Variants in QSOX2 observed in about 807,000 individuals in gnomAD.
The protein encoded by QSOX2 is quiescin sulfhydryl oxidase 2, also known as sulfhydryl oxidase 2.
In QSOX2, 46 loss-of-function variants were observed where a neutral mutation model predicts 61.7. That is an observed-to-expected ratio of 0.75 (90% confidence interval 0.59 to 0.95). QSOX2 has a LOEUF of 0.95. QSOX2 is among the 40% of genes least tolerant of loss of function. QSOX2 has a pLI of 0.00. For synonymous variants in QSOX2, 383 were observed against 388.4 expected (o/e 0.99, Z 0.16); for missense variants, 879 against 918.9 (o/e 0.96, Z 0.56).
At chr9:136,228,938 T>A (rs566014621) in intron 1 of QSOX2, among the ~76,000 whole-genome samples, 1 of 152,260 alleles carries the variant, frequency 6.6e-6, no homozygotes, top group African/African-American at 2.4e-5. Context: ...CCAGAGGTTC[T>A]GTTAAAAGCA....
At chr9:136,216,747 G>C (rs1489600410) in intron 8 of QSOX2, 25 bp from the exon 9 acceptor site, 3 of 1,611,832 alleles carry the variant, frequency 1.9e-6, no homozygotes, top group South Asian at 1.1e-5. Flanking sequence ...AGCCACCTGA[G>C]AGCTACAGAC....
Position 136,245,723 on chromosome 9 carries a change from C to A in QSOX2, c.81G>T (p.Pro27=), listed in dbSNP as rs1192148592. 8 of 1,139,824 alleles carry A rather than the reference C, an allele frequency of 7.0e-6. No homozygotes were observed. The highest frequency in any genetic ancestry group is 6.6e-5 in the African/African-American group (4 of 60,606). The allele number at this position is 1,139,824 out of a possible 1,614,324, so 70.6% of individuals were successfully genotyped here. Residue 27 remains proline (P), a synonymous_variant, in exon 1 of 12, where the codon CCG becomes CCT. Coordinates refer to ENST00000358701, the MANE Select transcript of QSOX2 (RefSeq NM_181701.4). ...GPALRARRSP[P]PRAARLPRLL... ...GCCGCGGCAGCCGTGCGGCCCGCGG[C>A]GGGGGCGAGCGCCGGGCTCTCAGCG... is the stretch of plus-strand genomic sequence containing the variant.
rs71384066 is a variant in QSOX2 at position 136,208,291 on chromosome 9, T to TGGACGGTGCAGGGAGGGCCAAGGGGGCGG, written c.*436_*437insCCGCCCCCTTGGCCCTCCCTGCACCGTCC. The TGGACGGTGCAGGGAGGGCCAAGGGGGCGG allele has an allele frequency of 1.5e-5, 1 of 67,840 alleles. No individual in the cohort carries two copies. The highest frequency in any genetic ancestry group is 6.1e-5 in the African/African-American group (1 of 16,398). 4.2% of individuals were successfully genotyped at this position (67,840 alleles called of 1,614,324 possible). On this transcript the variant is annotated 3_prime_UTR_variant, in exon 12 of 12. Coordinates refer to ENST00000358701, the MANE Select transcript of QSOX2 (RefSeq NM_181701.4). ...GCGGGGGGAGGGGGAGCGAGGGGAGTGGGGGGGAGCCAGGAGCCGCGGGGG... is the reference window on the plus strand; with the variant it reads ...GCGGGGGGAGGGGGAGCGAGGGGAGTGGACGGTGCAGGGAGGGCCAAGGGGGCGGGGGGGGGAGCCAGGAGCCGCGGGGG...
At chr9:136,212,590 G>A (rs907324727) in intron 10 of QSOX2, among the ~76,000 whole-genome samples, 3 of 152,228 alleles carry the variant, frequency 2.0e-5, no homozygotes, top group Non-Finnish European at 2.9e-5. Context: ...GCAGCTGGGC[G>A]GTGTCTCAGA....
At position 136,235,201 on chromosome 9, in the gene QSOX2, C is replaced by T. The variant is rs150608193; in HGVS notation, c.329-8327G>A. The stretch of plus-strand genomic sequence containing the variant: ...CCAAGGAAGATCCATCTCCCAAGGG[C>T]AGTGTGAGGATCGGCGGGGTCAAAG... On this transcript the variant is annotated intron_variant, in intron 1 of 11. Coordinates refer to ENST00000358701, the MANE Select transcript of QSOX2 (RefSeq NM_181701.4). Among the ~76,000 whole-genome samples the T allele has an allele frequency of 2.0e-4, 30 of 152,356 alleles. No homozygotes were observed. The East Asian group carries it at 4.6e-3, about 24-fold the overall frequency.
chr9:136,211,686 G>A (rs1265902933), intron 10 of QSOX2, among the ~76,000 whole-genome samples: 1 of 152,214 alleles, frequency 6.6e-6, no homozygotes, highest in Non-Finnish European at 1.5e-5. Flanking sequence ...CAGCCCAGAG[G>A]GCGGACATGC....
rs746178571 is a variant in QSOX2, at chr9:136,224,042, GC to G, written c.548del (p.Ser183ThrfsTer9). 6.2e-7 allele frequency: 1 copy of G among 1,614,046 alleles called. No individual in the cohort carries two copies. Among genetic ancestry groups the G allele is most frequent in the Non-Finnish European group, 8.5e-7 (1 of 1,180,010 alleles). On this transcript the variant is annotated frameshift_variant, in exon 4 of 12. Coordinates refer to ENST00000358701, the MANE Select transcript of QSOX2 (RefSeq NM_181701.4). LOFTEE classifies it high-confidence loss of function. ...CTAGGCGCGGGCAGGCAGGGGGCCG[GC>G]TTCCTTCCGTGTGGTTCTGCAGGAA... ...IDFLQNHTEG[S>X]RPPACPRLDP...
Position 136,209,364 on chromosome 9 carries a change from C to T in QSOX2, c.1550-89G>A. 1 of 1,542,242 alleles carries T rather than the reference C, an allele frequency of 6.5e-7. No individual in the cohort carries two copies. The highest frequency in any genetic ancestry group is 8.7e-7 in the Non-Finnish European group (1 of 1,144,132). On this transcript the variant is annotated intron_variant, in intron 11 of 11. Transcript: ENST00000358701. The surrounding 1 kb of genome is among the most constrained non-coding windows in gnomAD (Gnocchi z 5.6). ...GCGGCAACCGGACTCCCACTCCCAC[C>T]CACCACGGGCCTCCACTGCCCTGGC... is the stretch of plus-strand genomic sequence containing the variant.
rs540735675 is a variant in QSOX2 at position 136,208,622 on chromosome 9, C to T, written c.*106G>A. ...AGGTGCCATCCGATGTGAAACCAGG[C>T]CCGCATGTTTATAAAATCCCTGATC... On this transcript the variant is annotated 3_prime_UTR_variant, in exon 12 of 12. Coordinates refer to ENST00000358701, the MANE Select transcript of QSOX2 (RefSeq NM_181701.4). 363 of 1,340,396 alleles carry T rather than the reference C, an allele frequency of 2.7e-4. 1 individual carries two copies. Among genetic ancestry groups the T allele is most frequent in the Non-Finnish European group, 2.8e-4 (279 of 1,002,552 alleles). 83.0% of individuals were successfully genotyped at this position (1,340,396 alleles called of 1,614,324 possible).
chr9:136,245,747 C>A lies in QSOX2; in HGVS notation c.57G>T (p.Ala19=). ...GCGGGGGCGAGCGCCGGGCTCTCAG[C>A]GCAGGTCCCGCTCCGATTCCCGGGC... ...ARSPGIGAGP[A]LRARRSPPPR... is the part of the protein sequence containing the mutation. The change falls in exon 1 of 12, where the codon GCG becomes GCT. Residue 19 remains alanine (A), a synonymous_variant. Transcript: ENST00000358701. The A allele has an allele frequency of 1.7e-6, 2 of 1,150,044 alleles. No homozygotes were observed. Among genetic ancestry groups the A allele is most frequent in the Non-Finnish European group, 1.1e-6 (1 of 933,422 alleles). 71.2% of individuals were successfully genotyped at this position (1,150,044 alleles called of 1,614,324 possible).
At chr9:136,218,962 C>T in intron 7 of QSOX2, 68 bp downstream of exon 7, 1 of 1,589,070 alleles carries the variant, frequency 6.3e-7, no homozygotes. Flanking sequence ...TAAACCCGCC[C>T]TGCAAGCACG....
At chr9:136,217,687 G>C (rs1469294960) in intron 8 of QSOX2, among the ~76,000 whole-genome samples, 1 of 152,246 alleles carries the variant, frequency 6.6e-6, no homozygotes, top group Non-Finnish European at 1.5e-5. Flanking sequence ...AGCCGGGAGA[G>C]GAGAGCAGGT....
At chr9:136,229,137 T>C (rs993267875) in intron 1 of QSOX2, among the ~76,000 whole-genome samples, 1 of 152,218 alleles carries the variant, frequency 6.6e-6, no homozygotes, top group African/African-American at 2.4e-5. Context: ...CAAATACCGT[T>C]CCCGCTTACG....
At chr9:136,210,342 T>C (rs2131048045) in intron 11 of QSOX2, 1 of 985,412 alleles carries the variant, frequency 1.0e-6, no homozygotes, top group East Asian at 1.1e-4. Flanking sequence ...GTAAGGCCCC[T>C]TTCTGTTGCA....
At position 136,208,827 on chromosome 9, in the gene QSOX2, C is replaced by T; in HGVS notation, c.1998G>A (p.Val666=). The T allele has an allele frequency of 6.2e-7, 1 of 1,614,052 alleles. No homozygotes were observed. Among genetic ancestry groups the T allele is most frequent in the Non-Finnish European group, 8.5e-7 (1 of 1,180,022 alleles). Residue 666 remains valine (V), a synonymous_variant, in exon 12 of 12, where the codon GTG becomes GTA. Transcript: ENST00000358701. ...FSSLDMSLCV[V]LYVASSLFLM... ...GGAACAGGGATGAAGCCACGTACAGCACGACACAGAGACTCATGTCCAGGC... is the reference window on the plus strand; with the variant it reads ...GGAACAGGGATGAAGCCACGTACAGTACGACACAGAGACTCATGTCCAGGC...
chr9:136,219,390 A>G (rs530837993), intron 6 of QSOX2, among the ~76,000 whole-genome samples: 3 of 152,336 alleles, frequency 2.0e-5, no homozygotes, highest in African/African-American at 4.8e-5. Context: ...AACCAGTTCC[A>G]GTTGTAATAA....
intron 1 of QSOX2, among the ~76,000 whole-genome samples, chr9:136,234,865 G>A (rs984194324): frequency 1.3e-5 from 2 of 152,148 alleles, no homozygotes; most frequent in Non-Finnish European, 2.9e-5. Flanking sequence ...CAGCCTCATC[G>A]CGCCACACCC....
intron 9 of QSOX2, among the ~76,000 whole-genome samples, 198 bp from the exon 10 acceptor site, chr9:136,215,502 T>C (rs1293778442): frequency 1.3e-5 from 2 of 151,980 alleles, no homozygotes; most frequent in Non-Finnish European, 2.9e-5. Flanking sequence ...AGAGAGGAAA[T>C]GGTCTCCTTT....
chr9:136,215,529 A>G (rs1288261457), intron 9 of QSOX2, among the ~76,000 whole-genome samples: 1 of 152,244 alleles, frequency 6.6e-6, no homozygotes, highest in Non-Finnish European at 1.5e-5. Context: ...GGAGCTCTCA[A>G]GCCAATCTCT....
Sources: gnomAD v4.1 joint callset for allele counts (sites outside exome capture counted in the v4.1 genomes callset) on GRCh38, gnomAD v4.1.1 for gene constraint, Gnocchi (gnomAD v3.1) non-coding constraint, MANE v1.5 for transcripts, NCBI Gene and HGNC (gene_info 2026-07-23, HGNC 2026-07-21) for gene names.